Variants in POU6F2 observed in about 807,000 individuals in gnomAD.
POU6F2 encodes the protein POU domain, class 6, transcription factor 2.
In POU6F2, 31 loss-of-function variants were observed where a neutral mutation model predicts 71.3. The observed-to-expected ratio is 0.43, with a 90% confidence interval of 0.33 to 0.59. The LOEUF (loss-of-function observed/expected upper bound fraction) is 0.59. POU6F2 is among the 20% of genes least tolerant of loss of function. POU6F2 has a pLI of 0.04. For synonymous variants in POU6F2, 347 were observed against 355.7 expected (o/e 0.98, Z 0.27); for missense variants, 783 against 856.8 (o/e 0.91, Z 1.07).
intron 1 of POU6F2, chr7:39,034,524 C>A: frequency 2.4e-6 from 1 of 418,024 alleles, no homozygotes; most frequent in Non-Finnish European, 5.0e-6. Context: ...TATAATAATG[C>A]ACATAAAGTC....
At chr7:39,295,659 C>T (rs1179275680) in intron 4 of POU6F2, among the ~76,000 whole-genome samples, 1 of 152,164 alleles carries the variant, frequency 6.6e-6, no homozygotes, top group Non-Finnish European at 1.5e-5. Flanking sequence ...GCAGCTCAAA[C>T]CTAGTATTTA....
chr7:39,135,093 G>A (rs1333855852), intron 2 of POU6F2, among the ~76,000 whole-genome samples: 1 of 152,120 alleles, frequency 6.6e-6, no homozygotes, highest in Admixed American at 6.5e-5. Context: ...AATCCAGGAA[G>A]CAGCTCTTAA....
At chr7:39,299,196 T>A (rs1427503754) in intron 4 of POU6F2, among the ~76,000 whole-genome samples, 1 of 152,168 alleles carries the variant, frequency 6.6e-6, no homozygotes, top group Admixed American at 6.5e-5. Context: ...AAATTAAAAT[T>A]AAATTAAATT....
intron 4 of POU6F2, among the ~76,000 whole-genome samples, chr7:39,259,409 A>G (rs1357335766): frequency 6.6e-6 from 1 of 152,176 alleles, no homozygotes; most frequent in Non-Finnish European, 1.5e-5. Flanking sequence ...TTGTCCTTGA[A>G]CAGAGAGAAA....
intron 5 of POU6F2, among the ~76,000 whole-genome samples, chr7:39,361,472 G>A (rs1786387400): frequency 6.6e-6 from 1 of 152,180 alleles, no homozygotes. Flanking sequence ...TAATGCCTAT[G>A]ATATGTGATC....
intron 5 of POU6F2, among the ~76,000 whole-genome samples, chr7:39,359,616 G>A (rs1265850706): frequency 6.6e-6 from 1 of 152,070 alleles, no homozygotes; most frequent in Admixed American, 6.5e-5. Flanking sequence ...AAAAGCTGGA[G>A]GAATGAAGTC....
intron 2 of POU6F2, among the ~76,000 whole-genome samples, chr7:39,106,290 G>T (rs949632491): frequency 7.2e-5 from 11 of 152,138 alleles, no homozygotes; most frequent in Non-Finnish European, 1.3e-4. Flanking sequence ...GACCATTGTT[G>T]CTCTCTACTA....
chr7:39,143,994 C>T (rs1393761317), intron 2 of POU6F2, among the ~76,000 whole-genome samples: 1 of 152,104 alleles, frequency 6.6e-6, no homozygotes, highest in South Asian at 2.1e-4. Flanking sequence ...AACCACAAGC[C>T]AAATAGCACA....
intron 2 of POU6F2, among the ~76,000 whole-genome samples, chr7:39,113,452 A>G (rs1313156469): frequency 1.3e-5 from 2 of 152,132 alleles, no homozygotes; most frequent in Non-Finnish European, 2.9e-5. Context: ...TCAAAATTAA[A>G]AGACAGAAGA....
chr7:39,272,298 C>A (rs1784354341), intron 4 of POU6F2, among the ~76,000 whole-genome samples: 1 of 152,172 alleles, frequency 6.6e-6, no homozygotes. Flanking sequence ...CCAGGCTAAT[C>A]CCTCCTCCAC....
chr7:39,253,763 GA>G (rs1215267756), intron 4 of POU6F2, among the ~76,000 whole-genome samples: 1 of 152,150 alleles, frequency 6.6e-6, no homozygotes, highest in Non-Finnish European at 1.5e-5. Flanking sequence ...GCACTGCAAA[GA>G]AACTTCTATT....
At chr7:39,171,310 ACTG>A (rs1472010700) in intron 2 of POU6F2, among the ~76,000 whole-genome samples, 3 of 152,122 alleles carry the variant, frequency 2.0e-5, no homozygotes, top group African/African-American at 7.2e-5. Flanking sequence ...GCTATAAAAT[ACTG>A]CTGCAAGTTC....
intron 4 of POU6F2, among the ~76,000 whole-genome samples, chr7:39,255,422 C>A (rs1446156934): frequency 2.0e-5 from 3 of 152,150 alleles, no homozygotes; most frequent in Non-Finnish European, 4.4e-5. Context: ...ACACTTTATT[C>A]TTCGTGTTAC....
chr7:39,111,449 A>G (rs1168245882), intron 2 of POU6F2, among the ~76,000 whole-genome samples: 1 of 152,130 alleles, frequency 6.6e-6, no homozygotes. Context: ...ATGACCTTTT[A>G]GTTATATGAC....
chr7:38,981,264 G>A (rs984268616), intron 1 of POU6F2, among the ~76,000 whole-genome samples: 1 of 152,128 alleles, frequency 6.6e-6, no homozygotes, highest in Admixed American at 6.6e-5. Flanking sequence ...CATGTTTAGT[G>A]CTTCGTTTCT....
intron 1 of POU6F2, among the ~76,000 whole-genome samples, chr7:39,041,103 G>A (rs1379523608): frequency 6.6e-6 from 1 of 151,930 alleles, no homozygotes; most frequent in Non-Finnish European, 1.5e-5. Flanking sequence ...CACCAGTGGT[G>A]TGTACTGTAT....
intron 6 of POU6F2, among the ~76,000 whole-genome samples, chr7:39,412,638 A>T: frequency 6.6e-6 from 1 of 152,158 alleles, no homozygotes; most frequent in East Asian, 1.9e-4. Flanking sequence ...GGAGATTCAC[A>T]TATATTACTT....
intron 4 of POU6F2, among the ~76,000 whole-genome samples, chr7:39,260,976 T>A (rs536139863): frequency 6.1e-4 from 91 of 150,014 alleles, no homozygotes; most frequent in Non-Finnish European, 1.1e-3. Flanking sequence ...CCCACCACCA[T>A]TCATATCACA....
intron 1 of POU6F2, among the ~76,000 whole-genome samples, chr7:38,998,852 G>A (rs1347845177): frequency 7.2e-6 from 1 of 138,096 alleles, no homozygotes; most frequent in Non-Finnish European, 1.5e-5. Context: ...TTTCAGTAGA[G>A]ACCAGGTTTT....
Sources: allele counts gnomAD v4.1 joint callset (sites outside exome capture counted in the v4.1 genomes callset), GRCh38; gene constraint gnomAD v4.1.1; transcripts MANE v1.5; gene names NCBI Gene and HGNC (gene_info 2026-07-23, HGNC 2026-07-21).